The following STARD13 variants were observed in gnomAD, a reference collection of about 807,000 sequenced individuals.
The protein encoded by STARD13 is stAR-related lipid transfer protein 13.
Under a neutral mutation model 106.4 loss-of-function variants are expected in STARD13, and 62 were observed. The ratio of observed to expected loss-of-function variants is 0.58; its 90% CI spans 0.48 to 0.72. STARD13 has a LOEUF of 0.72. STARD13 is among the 30% of genes least tolerant of loss of function. The pLI, the probability that STARD13 is intolerant of heterozygous loss-of-function variation, is 0.00. For synonymous variants in STARD13, 565 were observed against 553.0 expected (o/e 1.02, Z -0.31); for missense variants, 1,387 against 1,424.0 (o/e 0.97, Z 0.42).
At chr13:33,126,459 C>A (rs1172414312) in intron 6 of STARD13, among the ~76,000 whole-genome samples, 1 of 152,196 alleles carries the variant, frequency 6.6e-6, no homozygotes, top group African/African-American at 2.4e-5. Context: ...GAGTCACGTT[C>A]CCAGAATGTA....
At chr13:33,540,934 GA>G in the STARD13 span, among the ~76,000 whole-genome samples, 1 of 152,216 alleles carries the variant, frequency 6.6e-6, no homozygotes, top group Non-Finnish European at 1.5e-5. Flanking sequence ...GCTCAGAAAA[GA>G]TAAATGCATG....
the STARD13 span, among the ~76,000 whole-genome samples, chr13:33,576,471 C>T: frequency 1.3e-5 from 2 of 151,936 alleles, no homozygotes; most frequent in African/African-American, 4.8e-5. Context: ...TGGGCTCAAG[C>T]AATCTTCCTG....
At chr13:33,517,015 A>G in the STARD13 span, among the ~76,000 whole-genome samples, 1 of 151,994 alleles carries the variant, frequency 6.6e-6, no homozygotes, top group South Asian at 2.1e-4. Context: ...ATTACATGTC[A>G]AAAATGATAA....
rs77425908 is a variant in STARD13 at position 33,141,683 on chromosome 13, G to C, written c.387+627C>G. 6.9e-3 allele frequency among the ~76,000 whole-genome samples: 1,047 copies of C among 152,184 alleles called. 15 individuals carry two copies. The highest frequency in any genetic ancestry group is 0.024 in the African/African-American group (995 of 41,502). ...ATCTGCCTGATAGTGGGGGCATCTT[G>C]ACACATGCATGAAATAAAACACTAC... On this transcript the variant is annotated intron_variant, in intron 4 of 13. Transcript: ENST00000336934.
In STARD13 at chr13:33,126,046, G is replaced by T. The variant is rs778567805; in HGVS notation, c.2082+35C>A. 2.4e-5 allele frequency: 38 copies of T among 1,608,466 alleles called. No homozygotes were observed. In the South Asian group the frequency reaches 2.8e-4, roughly 12 times the overall value. ...CCTCAATCCAATCCCATGGTTGGGG[G>T]TGGTGGGGCAGCAGCGGGGGGGTTA... On this transcript the variant is annotated intron_variant, in intron 7 of 13. Coordinates refer to ENST00000336934, the MANE Select transcript of STARD13 (RefSeq NM_178006.4).
chr13:33,173,454 T>G (rs901205304), intron 1 of STARD13, among the ~76,000 whole-genome samples: 4 of 152,250 alleles, frequency 2.6e-5, no homozygotes, highest in Non-Finnish European at 4.4e-5. Context: ...GAGGGCTTTA[T>G]AACCTTAGTG....
At chr13:33,578,749 A>G in the STARD13 span, among the ~76,000 whole-genome samples, 2 of 152,194 alleles carry the variant, frequency 1.3e-5, no homozygotes, top group African/African-American at 4.8e-5. Context: ...CAAACTATGC[A>G]CCTGACAAAG....
At chr13:33,185,142 T>C (rs1213576797) in intron 1 of STARD13, among the ~76,000 whole-genome samples, 1 of 152,094 alleles carries the variant, frequency 6.6e-6, no homozygotes, top group Non-Finnish European at 1.5e-5. Flanking sequence ...CCAGAAAATG[T>C]GGGGTTCAGG....
chr13:33,461,057 A>G, the STARD13 span, among the ~76,000 whole-genome samples: 1 of 152,208 alleles, frequency 6.6e-6, no homozygotes, highest in Non-Finnish European at 1.5e-5. Context: ...CGTGACAGAA[A>G]GGTGGTCTGT....
chr13:33,376,550 T>C, the STARD13 span, among the ~76,000 whole-genome samples: 1 of 151,894 alleles, frequency 6.6e-6, no homozygotes, highest in Non-Finnish European at 1.5e-5. Context: ...TTCATGGCTG[T>C]AGTGAGCTGT....
the STARD13 span, among the ~76,000 whole-genome samples, chr13:33,385,616 T>C: frequency 1.3e-5 from 2 of 151,736 alleles, no homozygotes; most frequent in Non-Finnish European, 2.9e-5. Context: ...TCTCAGCACT[T>C]TGGGAGACCG....
At chr13:33,368,548 G>A in the STARD13 span, among the ~76,000 whole-genome samples, 1 of 152,064 alleles carries the variant, frequency 6.6e-6, no homozygotes, top group Non-Finnish European at 1.5e-5. Context: ...AGCAGCAGCA[G>A]CACCACCACC....
chr13:33,608,462 G>A, the STARD13 span, among the ~76,000 whole-genome samples: 1 of 152,052 alleles, frequency 6.6e-6, no homozygotes, highest in Non-Finnish European at 1.5e-5. Context: ...GGGAAAAATA[G>A]GGGAAAAATC....
Position 33,130,191 on chromosome 13 carries a change from C to A in STARD13, c.486G>T (p.Leu162=). The change falls in exon 5 of 14, where the codon CTG becomes CTT. Residue 162 remains leucine (L), a synonymous_variant. Coordinates refer to ENST00000336934, the MANE Select transcript of STARD13 (RefSeq NM_178006.4). This position sits in a 1 kb window ranked among gnomAD's most constrained non-coding sequence, Gnocchi z 4.1. Reference sequence around the variant, plus strand: ...ACCCATTTCTGTCTCCTCGAGGGAGCAGCGTGTAGAGGTCGTCCACACGAG... The same window carrying A: ...ACCCATTTCTGTCTCCTCGAGGGAGAAGCGTGTAGAGGTCGTCCACACGAG... The part of the protein sequence containing the change: ...RWSRVDDLYT[L]LPRGDRNGSP... 6.2e-7 allele frequency: 1 copy of A among 1,613,542 alleles called. No homozygotes were observed. The highest frequency in any genetic ancestry group is 8.5e-7 in the Non-Finnish European group (1 of 1,180,032).
the STARD13 span, among the ~76,000 whole-genome samples, chr13:33,452,349 T>C: frequency 1.3e-5 from 2 of 150,618 alleles, no homozygotes; most frequent in Admixed American, 6.6e-5. Context: ...GTTGTGGGGG[T>C]GGGTGTCAGG....
chr13:33,619,179 G>A, the STARD13 span, among the ~76,000 whole-genome samples: 1 of 149,128 alleles, frequency 6.7e-6, no homozygotes, highest in Admixed American at 6.6e-5. Flanking sequence ...CTCAGATAAG[G>A]GACCTAACTT....
At chr13:33,341,392 A>G (rs1180480986) in intron 1 of STARD13, among the ~76,000 whole-genome samples, 1 of 152,114 alleles carries the variant, frequency 6.6e-6, no homozygotes, top group African/African-American at 2.4e-5. Context: ...TAATCCCAGC[A>G]CTTTGAGAGG....
chr13:33,372,493 T>C, the STARD13 span, among the ~76,000 whole-genome samples: 10 of 147,276 alleles, frequency 6.8e-5, no homozygotes, highest in African/African-American at 2.5e-4. Context: ...CTCGTATGCC[T>C]TCTGAATGAC....
At chr13:33,262,831 A>T (rs1305882119) in intron 1 of STARD13, among the ~76,000 whole-genome samples, 2 of 152,154 alleles carry the variant, frequency 1.3e-5, no homozygotes, top group Non-Finnish European at 2.9e-5. Context: ...AGAAAACTGC[A>T]GGAGCACAAT....
Sources: gnomAD v4.1 joint callset for allele counts (sites outside exome capture counted in the v4.1 genomes callset) on GRCh38, gnomAD v4.1.1 for gene constraint, Gnocchi (gnomAD v3.1) non-coding constraint, MANE v1.5 for transcripts, NCBI Gene and HGNC (gene_info 2026-07-23, HGNC 2026-07-21) for gene names.